Variants in NCALD observed in about 807,000 individuals in gnomAD.
NCALD encodes neurocalcin delta, also known as neurocalcin-delta.
Under a neutral mutation model 18.6 loss-of-function variants are expected in NCALD, and 10 were observed. The observed-to-expected ratio is 0.54, with a 90% confidence interval of 0.33 to 0.91. The LOEUF (loss-of-function observed/expected upper bound fraction) is 0.91, where lower values mean the gene tolerates loss of function less well. Ranked by LOEUF, NCALD falls within the 40% of genes least tolerant of loss-of-function variation. The pLI, the probability that NCALD is intolerant of heterozygous loss-of-function variation, is 0.03. For missense variants in NCALD, 184 were observed against 247.6 expected (o/e 0.74, Z 1.72); for synonymous variants, 88 against 87.4 (o/e 1.01, Z -0.04).
chr8:101,703,928 C>A (rs1815390064), intron 2 of NCALD, among the ~76,000 whole-genome samples: 1 of 152,042 alleles, frequency 6.6e-6, no homozygotes, highest in Non-Finnish European at 1.5e-5. Flanking sequence ...AAAAAAGAAC[C>A]AAGTGAAAGG....
intron 1 of NCALD, among the ~76,000 whole-genome samples, chr8:101,743,778 G>A (rs1810312190): frequency 1.3e-5 from 2 of 152,190 alleles, no homozygotes; most frequent in Admixed American, 1.3e-4. Context: ...AATGTCCTGA[G>A]GATGAGGCAC....
At chr8:102,008,898 A>C (rs941300788) in intron 2 of NCALD, among the ~76,000 whole-genome samples, 2,028 of 40,606 alleles carry the variant, frequency 0.05, no homozygotes, top group Admixed American at 0.06. Context: ...TACCACCCCC[A>C]CCTCCACCCC....
At chr8:102,044,761 C>T (rs559257205) in intron 1 of NCALD, among the ~76,000 whole-genome samples, 1 of 152,130 alleles carries the variant, frequency 6.6e-6, no homozygotes, top group Admixed American at 6.5e-5. Context: ...CAGTTAAGAG[C>T]ATATGGTTAA....
intron 2 of NCALD, among the ~76,000 whole-genome samples, chr8:101,988,604 CTGT>C (rs1222160181): frequency 1.3e-5 from 2 of 152,152 alleles, no homozygotes; most frequent in Non-Finnish European, 1.5e-5. Context: ...CATATAAGTG[CTGT>C]TGTTATTATT....
intron 1 of NCALD, among the ~76,000 whole-genome samples, chr8:102,071,130 G>C (rs1245884164): frequency 6.6e-6 from 1 of 152,082 alleles, no homozygotes; most frequent in Non-Finnish European, 1.5e-5. Flanking sequence ...AGAATGCTTA[G>C]TAAGAGTCTT....
intron 1 of NCALD, among the ~76,000 whole-genome samples, chr8:102,076,155 A>G (rs1223344976): frequency 1.3e-5 from 2 of 152,136 alleles, no homozygotes; most frequent in East Asian, 3.8e-4. Flanking sequence ...AAAAGGAATA[A>G]AAAAATAACA....
chr8:101,926,306 T>C (rs1486829919), intron 2 of NCALD, among the ~76,000 whole-genome samples: 1 of 152,214 alleles, frequency 6.6e-6, no homozygotes, highest in African/African-American at 2.4e-5. Flanking sequence ...TTCTTTAAGC[T>C]ATTAATAGCC....
intron 4 of NCALD, among the ~76,000 whole-genome samples, chr8:101,801,311 G>T (rs1812841442): frequency 6.6e-6 from 1 of 152,038 alleles, no homozygotes; most frequent in South Asian, 2.1e-4. Context: ...GCAGAAAAAA[G>T]TAGAAATATA....
intron 2 of NCALD, among the ~76,000 whole-genome samples, chr8:101,918,181 T>G (rs1308612372): frequency 6.6e-6 from 1 of 152,136 alleles, no homozygotes; most frequent in Non-Finnish European, 1.5e-5. Flanking sequence ...ATTCAACACA[T>G]GCAAATCAAT....
upstream of NCALD, among the ~76,000 whole-genome samples, chr8:101,793,359 A>AG (rs1192767524): frequency 6.6e-6 from 1 of 152,110 alleles, no homozygotes; most frequent in Non-Finnish European, 1.5e-5. Context: ...CAAAAAAAAA[A>AG]AAAAAAAATG....
At chr8:101,736,085 C>A (rs1233231161) in intron 1 of NCALD, among the ~76,000 whole-genome samples, 1 of 152,162 alleles carries the variant, frequency 6.6e-6, no homozygotes, top group African/African-American at 2.4e-5. Flanking sequence ...ACCAGGCAAG[C>A]CCCCGTTCCT....
intron 1 of NCALD, among the ~76,000 whole-genome samples, chr8:102,088,481 G>C (rs1296231203): frequency 2.0e-5 from 3 of 151,898 alleles, no homozygotes; most frequent in Non-Finnish European, 4.4e-5. Context: ...TTAATTAAAA[G>C]TGGGTATTCA....
At chr8:101,904,687 A>G (rs1322385790) in intron 3 of NCALD, among the ~76,000 whole-genome samples, 1 of 152,066 alleles carries the variant, frequency 6.6e-6, no homozygotes, top group African/African-American at 2.4e-5. Flanking sequence ...ATGCATCCCA[A>G]AAGAAGGGTC....
intron 2 of NCALD, among the ~76,000 whole-genome samples, chr8:101,925,725 G>A (rs1212502500): frequency 6.6e-6 from 1 of 152,126 alleles, no homozygotes; most frequent in Non-Finnish European, 1.5e-5. Context: ...CCTAATAGGT[G>A]CTCAATAAAT....
intron 4 of NCALD, among the ~76,000 whole-genome samples, chr8:101,835,547 G>A (rs117718818): frequency 1.3e-5 from 2 of 152,186 alleles, no homozygotes; most frequent in Non-Finnish European, 2.9e-5. Flanking sequence ...CATTGGTCTA[G>A]GTGCTTAAAT....
In NCALD at chr8:102,058,958, G is replaced by A. The variant is rs117993324; in HGVS notation, c.-209-38669C>T. Among the ~76,000 whole-genome samples the A allele has an allele frequency of 8.1e-4, 124 of 152,172 alleles. No individual in the cohort carries two copies. The East Asian group carries it at 0.019, about 23-fold the overall frequency. The stretch of plus-strand genomic sequence containing the variant: ...GGGCTACAAGGAAAGGAATGCAGAC[G>A]GCCTTTCTTGGCTGAAAAAGGCACA... On this transcript the variant is annotated intron_variant, in intron 1 of 6. Transcript: ENST00000311028.
At chr8:101,970,518 A>T (rs1351458791) in intron 2 of NCALD, among the ~76,000 whole-genome samples, 1 of 152,166 alleles carries the variant, frequency 6.6e-6, no homozygotes, top group Non-Finnish European at 1.5e-5. Context: ...TACTCCAAAA[A>T]ATTGTTTTGG....
intron 1 of NCALD, among the ~76,000 whole-genome samples, chr8:102,063,771 A>G (rs903426215): frequency 4.6e-5 from 7 of 152,154 alleles, no homozygotes; most frequent in African/African-American, 1.7e-4. Context: ...CCTTCCCAGC[A>G]TTCACACCTG....
chr8:101,741,996 G>C (rs570527176), intron 1 of NCALD, among the ~76,000 whole-genome samples: 52 of 145,826 alleles, frequency 3.6e-4, no homozygotes, highest in African/African-American at 1.2e-3. Flanking sequence ...GCTCACACCT[G>C]TAATCCCAGC....
Sources: gnomAD v4.1 joint callset for allele counts (sites outside exome capture counted in the v4.1 genomes callset) on GRCh38, gnomAD v4.1.1 for gene constraint, MANE v1.5 for transcripts, NCBI Gene and HGNC (gene_info 2026-07-23, HGNC 2026-07-21) for gene names.